Variants in TULP4 observed in about 807,000 individuals in gnomAD.
TULP4 encodes tubby-related protein 4.
In TULP4, 16 loss-of-function variants were observed where a neutral mutation model predicts 129.0. The observed-to-expected ratio is 0.12, with a 90% CI of 0.08 to 0.19. The LOEUF is 0.19. TULP4 is among the 10% of genes least tolerant of loss of function. TULP4 has a pLI of 1.00. For synonymous variants in TULP4, 998 were observed against 854.0 expected (o/e 1.17, Z -2.94); for missense variants, 1,842 against 2,059.1 (o/e 0.89, Z 2.04).
intron 1 of TULP4, among the ~76,000 whole-genome samples, chr6:158,294,228 G>A (rs1054875322): frequency 6.6e-6 from 1 of 152,050 alleles, no homozygotes; most frequent in Non-Finnish European, 1.5e-5. Flanking sequence ...GCTGGGCGTG[G>A]TGGTGGGCAC....
intron 1 of TULP4, among the ~76,000 whole-genome samples, chr6:158,328,542 GAGA>G (rs1215215195): frequency 6.6e-6 from 1 of 152,196 alleles, no homozygotes; most frequent in East Asian, 1.9e-4. Context: ...TGTTGGTGGA[GAGA>G]AGAATTGCCT....
intron 1 of TULP4, among the ~76,000 whole-genome samples, chr6:158,352,899 A>T (rs1299731311): frequency 6.6e-6 from 1 of 152,196 alleles, no homozygotes; most frequent in Non-Finnish European, 1.5e-5. Context: ...TTAAGATGTT[A>T]TTATGATTTA....
In TULP4 at chr6:158,479,781, C is replaced by T. The variant is rs772742406; in HGVS notation, c.1057C>T (p.Arg353Trp). 6 of 1,613,932 alleles carry T rather than the reference C, an allele frequency of 3.7e-6. No individual in the cohort carries two copies. Among genetic ancestry groups the T allele is most frequent in the South Asian group, 3.3e-5 (3 of 91,070 alleles). The change falls in exon 7 of 14, where the codon CGG becomes TGG. Residue 353 changes from arginine to tryptophan, a missense_variant. Around this residue, in one of 5 missense-constraint regions of TULP4, gnomAD observed 456 missense variants for 534.3 expected, o/e 0.85. Coordinates refer to ENST00000367097, the MANE Select transcript of TULP4 (RefSeq NM_020245.5). ...CATCATCTCCATCTGCTGGGGTCAC[C>T]GGGATTCGAGGCTGTTGATGGCATC... ...RPIISICWGH[R>W]DSRLLMASGP...
intron 1 of TULP4, among the ~76,000 whole-genome samples, chr6:158,255,998 G>T (rs1160307786): frequency 2.0e-5 from 3 of 148,382 alleles, no homozygotes; most frequent in Non-Finnish European, 4.6e-5. Flanking sequence ...GGTCTTTATC[G>T]CAAGAGCAGA....
chr6:158,385,723 G>T (rs545005029), intron 1 of TULP4, among the ~76,000 whole-genome samples: 339 of 141,922 alleles, frequency 2.4e-3, no homozygotes, highest in African/African-American at 8.2e-3. Flanking sequence ...AGTTTCCTGG[G>T]TTTTTTTTTT....
chr6:158,378,332 T>G (rs976505761), intron 1 of TULP4, among the ~76,000 whole-genome samples: 1 of 152,150 alleles, frequency 6.6e-6, no homozygotes, highest in African/African-American at 2.4e-5. Flanking sequence ...CAAAATTGTA[T>G]ACCAAATTTT....
chr6:158,254,434 C>A (rs137942733), intron 1 of TULP4, among the ~76,000 whole-genome samples: 178 of 152,288 alleles, frequency 1.2e-3, no homozygotes, highest in African/African-American at 4.0e-3. Context: ...TGAGCCACCA[C>A]ACCCAGCCCA....
intron 6 of TULP4, among the ~76,000 whole-genome samples, chr6:158,465,293 A>G (rs928890296): frequency 3.3e-5 from 5 of 152,184 alleles, no homozygotes; most frequent in Non-Finnish European, 7.4e-5. Context: ...ACTTAGCATA[A>G]TGTCCTTAAG....
intron 1 of TULP4, among the ~76,000 whole-genome samples, chr6:158,260,200 A>C (rs2128456920): frequency 6.6e-6 from 1 of 152,312 alleles, no homozygotes; most frequent in Middle Eastern, 3.4e-3. Flanking sequence ...TGTGGTCAGA[A>C]GTGACTCTTC....
intron 1 of TULP4, among the ~76,000 whole-genome samples, chr6:158,358,725 A>G (rs182305835): frequency 2.6e-3 from 389 of 152,358 alleles, no homozygotes; most frequent in African/African-American, 8.8e-3. Context: ...AAATCATGGA[A>G]AACTCTAGTG....
At chr6:158,352,621 T>C (rs1780551717) in intron 1 of TULP4, among the ~76,000 whole-genome samples, 1 of 152,096 alleles carries the variant, frequency 6.6e-6, no homozygotes, top group African/African-American at 2.4e-5. Context: ...GGTCTTGATC[T>C]CTTGACCTTG....
intron 8 of TULP4, among the ~76,000 whole-genome samples, chr6:158,487,384 G>A (rs1404950778): frequency 6.6e-6 from 1 of 152,190 alleles, no homozygotes; most frequent in Non-Finnish European, 1.5e-5. Flanking sequence ...AGGTTGCAGT[G>A]AACCAAGATA....
chr6:158,362,834 G>A (rs1780826958), intron 1 of TULP4, among the ~76,000 whole-genome samples: 3 of 63,600 alleles, frequency 4.7e-5, no homozygotes. Context: ...CCAGCACTTT[G>A]GGAGGTCAGG....
intron 1 of TULP4, among the ~76,000 whole-genome samples, chr6:158,351,721 T>G (rs1404494388): frequency 7.7e-6 from 1 of 129,752 alleles, no homozygotes; most frequent in Non-Finnish European, 1.6e-5. Flanking sequence ...TTTTTTTTTT[T>G]TTTTTTTTTT....
chr6:158,284,353 G>T (rs971223277), intron 1 of TULP4, among the ~76,000 whole-genome samples: 1 of 152,228 alleles, frequency 6.6e-6, no homozygotes, highest in African/African-American at 2.4e-5. Context: ...GCTGAGAAAC[G>T]AATCTAAATG....
Position 158,331,836 on chromosome 6 carries a change from C to T in TULP4, c.252+17568C>T, listed in dbSNP as rs550437857. ...TAGCAGTCTGGGTTCAATTAGGAGA[C>T]GGAAACCACACAGTGGGTTAAACAC... On this transcript the variant is annotated intron_variant, in intron 1 of 13. Coordinates refer to ENST00000367097, the MANE Select transcript of TULP4 (RefSeq NM_020245.5). Among the ~76,000 whole-genome samples, 17 of 143,044 alleles carry T rather than the reference C, an allele frequency of 1.2e-4. No homozygotes were observed. The East Asian group carries it at 1.9e-3, about 16-fold the overall frequency. The allele number at this position is 143,044 out of a possible 152,430, so 93.8% of individuals were successfully genotyped here. A position where few individuals can be genotyped will look rare whatever the true frequency, so the allele number is the denominator to read the frequency against.
chr6:158,258,027 T>A (rs1217204376), intron 1 of TULP4, among the ~76,000 whole-genome samples: 2 of 152,150 alleles, frequency 1.3e-5, no homozygotes, highest in African/African-American at 4.8e-5. Context: ...CTCTGCTGGG[T>A]TCAGTCAACC....
chr6:158,418,101 T>TG (rs1562557682), intron 2 of TULP4, among the ~76,000 whole-genome samples: 5 of 86,326 alleles, frequency 5.8e-5, no homozygotes, highest in Admixed American at 2.9e-4. Context: ...GTGTGTGTGT[T>TG]TTTTTTTTTT....
chr6:158,338,503 C>T (rs1780096667), intron 1 of TULP4, among the ~76,000 whole-genome samples: 1 of 152,196 alleles, frequency 6.6e-6, no homozygotes, highest in African/African-American at 2.4e-5. Flanking sequence ...CATTCTGGGC[C>T]AGTCTCTGCT....
Sources: allele counts gnomAD v4.1 joint callset (sites outside exome capture counted in the v4.1 genomes callset), GRCh38; gene constraint gnomAD v4.1.1; regional missense constraint gnomAD v4.1.1; transcripts MANE v1.5; gene names NCBI Gene and HGNC (gene_info 2026-07-23, HGNC 2026-07-21).